ST6GALNAC5: variants seen among roughly 807,000 people sequenced by gnomAD.
ST6GALNAC5 encodes the protein alpha-N-acetylgalactosaminide alpha-2,6-sialyltransferase 5.
In ST6GALNAC5, 27 loss-of-function variants were observed where a neutral mutation model predicts 33.6. That is an observed-to-expected ratio of 0.80 (90% CI 0.59 to 1.11). ST6GALNAC5 has a LOEUF of 1.11. Among genes scored for constraint, ST6GALNAC5 ranks in the 50% least tolerant of loss-of-function variants. The pLI is 0.00. For missense variants in ST6GALNAC5, 428 were observed against 454.0 expected, an observed-to-expected ratio of 0.94 and a Z score of 0.52; for synonymous variants, 194 against 171.2, an observed-to-expected ratio of 1.13 and a Z score of -1.04.
At chr1:76,925,017 G>A (rs1647071208) in intron 2 of ST6GALNAC5, among the ~76,000 whole-genome samples, 1 of 152,108 alleles carries the variant, frequency 6.6e-6, no homozygotes, top group Non-Finnish European at 1.5e-5. Context: ...ATCTGCTCCT[G>A]GTGAGGGCCC....
intron 2 of ST6GALNAC5, among the ~76,000 whole-genome samples, chr1:76,925,630 T>C (rs1647078673): frequency 6.6e-6 from 1 of 152,110 alleles, no homozygotes; most frequent in African/African-American, 2.4e-5. Flanking sequence ...TAAGAAGATA[T>C]GTGTGTCCTA....
At chr1:76,912,567 T>C (rs1439475684) in intron 2 of ST6GALNAC5, among the ~76,000 whole-genome samples, 1 of 151,722 alleles carries the variant, frequency 6.6e-6, no homozygotes, top group African/African-American at 2.4e-5. Context: ...CTAAGTCTCT[T>C]TGTAGGTCAC....
intron 2 of ST6GALNAC5, among the ~76,000 whole-genome samples, chr1:76,947,087 G>C (rs948054264): frequency 2.0e-5 from 3 of 151,996 alleles, no homozygotes; most frequent in Non-Finnish European, 4.4e-5. Flanking sequence ...AATTAGCTTT[G>C]AGAACAAAAA....
rs927481972 is a variant in ST6GALNAC5, at chr1:76,868,772, ACT to A, written c.261+32_261+33del. The stretch of plus-strand genomic sequence containing the variant: ...CAGCATGCCCGCCAGCCCGCTCGCC[ACT>A]CAGCCTGGGGATCCCGCACACCTGA... On this transcript the variant is annotated intron_variant, in intron 2 of 4. Transcript: ENST00000477717. The surrounding 1 kb of genome is among the most constrained non-coding windows in gnomAD (Gnocchi z 4.3). 2.7e-6 allele frequency: 4 copies of A among 1,465,724 alleles called. No homozygotes were observed. In the African/African-American group the frequency reaches 5.7e-5, roughly 21 times the overall value. 90.8% of individuals were successfully genotyped at this position (1,465,724 alleles called of 1,614,324 possible). A position where few individuals can be genotyped will look rare whatever the true frequency, so the allele number is the denominator to read the frequency against.
At position 77,011,516 on chromosome 1, in the gene ST6GALNAC5, A is replaced by C. The variant is rs539808051; in HGVS notation, c.262-32688A>C. Among the ~76,000 whole-genome samples the C allele has an allele frequency of 2.0e-5, 3 of 152,234 alleles. No homozygotes were observed. In the South Asian group the frequency reaches 6.2e-4, roughly 31 times the overall value. ...GAGCATGACAAGGTTTGGGAATTAC[A>C]GTCCTTGAGCACAATCTCCCATTGG... On this transcript the variant is annotated intron_variant, in intron 2 of 4. Coordinates refer to ENST00000477717, the MANE Select transcript of ST6GALNAC5 (RefSeq NM_030965.3).
At chr1:77,045,657 T>A (rs1211273659) in intron 3 of ST6GALNAC5, among the ~76,000 whole-genome samples, 1 of 151,986 alleles carries the variant, frequency 6.6e-6, no homozygotes, top group Non-Finnish European at 1.5e-5. Flanking sequence ...TTGGATAAAG[T>A]AAAGGACCTG....
intron 2 of ST6GALNAC5, among the ~76,000 whole-genome samples, chr1:77,037,395 C>A (rs1458027382): frequency 1.3e-5 from 2 of 152,056 alleles, no homozygotes; most frequent in Non-Finnish European, 2.9e-5. Context: ...CTGGAGACTA[C>A]TAGAGTGGGG....
At chr1:76,993,434 T>G (rs775510812) in intron 2 of ST6GALNAC5, among the ~76,000 whole-genome samples, 1 of 152,204 alleles carries the variant, frequency 6.6e-6, no homozygotes, top group African/African-American at 2.4e-5. Context: ...TGGTACCCAT[T>G]AAACAGTTTC....
At chr1:76,922,946 A>AG (rs1415985957) in intron 2 of ST6GALNAC5, among the ~76,000 whole-genome samples, 3 of 138,556 alleles carry the variant, frequency 2.2e-5, no homozygotes, top group African/African-American at 9.2e-5. Flanking sequence ...AAAAAAAAAA[A>AG]AAAGAAAAAA....
intron 4 of ST6GALNAC5, chr1:77,060,315 G>T (rs1652534296): frequency 6.6e-6 from 1 of 152,178 alleles, no homozygotes; most frequent in African/African-American, 2.4e-5. Context: ...GCTTCCTCAT[G>T]TGGAAATTCC....
Position 76,868,582 on chromosome 1 carries a change from A to G in ST6GALNAC5, c.101A>G (p.Glu34Gly), listed in dbSNP as rs773869543. 3 of 1,612,240 alleles carry G rather than the reference A, an allele frequency of 1.9e-6. No homozygotes were observed. Among genetic ancestry groups the G allele is most frequent in the Admixed American group, 1.7e-5 (1 of 59,974 alleles). Residue 34 changes from glutamate (E) to glycine (G), a missense_variant, in exon 2 of 5, where the codon GAG (glutamate) becomes GGG (glycine). Physicochemically the swap from Glu to Gly is moderately conservative, Grantham distance 98. Coordinates refer to ENST00000477717, the MANE Select transcript of ST6GALNAC5 (RefSeq NM_030965.3). This position sits in a 1 kb window ranked among gnomAD's most constrained non-coding sequence, Gnocchi z 4.3. ...LVYSSLGGQK[E>G]RPPQQQQQQQ... ...TACAGCAGCCTCGGCGGCCAGAAGGAGCGGCCCCCGCAGCAGCAGCAGCAG... is the reference window on the plus strand; with the variant it reads ...TACAGCAGCCTCGGCGGCCAGAAGGGGCGGCCCCCGCAGCAGCAGCAGCAG...
At chr1:76,968,842 T>G (rs1557741117) in intron 2 of ST6GALNAC5, among the ~76,000 whole-genome samples, 1 of 152,202 alleles carries the variant, frequency 6.6e-6, no homozygotes, top group Non-Finnish European at 1.5e-5. Flanking sequence ...CTTATGAAGC[T>G]TAGTTTGGCT....
chr1:77,013,375 G>T (rs1280010438), intron 2 of ST6GALNAC5, among the ~76,000 whole-genome samples: 2 of 152,192 alleles, frequency 1.3e-5, no homozygotes, highest in Non-Finnish European at 2.9e-5. Context: ...CAAGGAAAGG[G>T]GCTGATACTT....
chr1:77,033,726 G>T (rs1391552666), intron 2 of ST6GALNAC5, among the ~76,000 whole-genome samples: 3 of 152,166 alleles, frequency 2.0e-5, no homozygotes, highest in Non-Finnish European at 4.4e-5. Flanking sequence ...GAAAGCAAAG[G>T]CTGGAGACCA....
chr1:77,062,271 A>G (rs1036073016), intron 4 of ST6GALNAC5, among the ~76,000 whole-genome samples: 16 of 152,234 alleles, frequency 1.1e-4, no homozygotes, highest in African/African-American at 3.9e-4. Flanking sequence ...ACAGCAATTG[A>G]TGCTATAAAG....
intron 2 of ST6GALNAC5, among the ~76,000 whole-genome samples, chr1:76,981,352 G>C (rs994314407): frequency 6.6e-6 from 1 of 152,188 alleles, no homozygotes; most frequent in African/African-American, 2.4e-5. Context: ...TGCCTGGCTC[G>C]ATGGGTCCCA....
At chr1:76,967,277 C>G (rs1214118179) in intron 2 of ST6GALNAC5, among the ~76,000 whole-genome samples, 3 of 152,120 alleles carry the variant, frequency 2.0e-5, no homozygotes, top group Non-Finnish European at 4.4e-5. Context: ...ATTTCAGAGC[C>G]TGTTATTGGT....
Position 76,868,591 on chromosome 1 carries a change from C to CGCAGCAGCAGCAGCAGCAGCAGCAACA in ST6GALNAC5, c.121_147dup (p.Gln41_Gln49dup). 2 of 1,609,736 alleles carry CGCAGCAGCAGCAGCAGCAGCAGCAACA rather than the reference C, an allele frequency of 1.2e-6. No individual in the cohort carries two copies. The highest frequency in any genetic ancestry group is 2.2e-5 in the South Asian group (2 of 90,902). On this transcript the variant is annotated inframe_insertion, in exon 2 of 5. Coordinates refer to ENST00000477717, the MANE Select transcript of ST6GALNAC5 (RefSeq NM_030965.3). The surrounding 1 kb of genome is among the most constrained non-coding windows in gnomAD (Gnocchi z 4.3). The stretch of plus-strand genomic sequence containing the variant: ...CTCGGCGGCCAGAAGGAGCGGCCCC[C>CGCAGCAGCAGCAGCAGCAGCAGCAACA]GCAGCAGCAGCAGCAGCAGCAGCAA...
chr1:76,925,203 AC>A (rs1472530099), intron 2 of ST6GALNAC5, among the ~76,000 whole-genome samples: 3 of 152,100 alleles, frequency 2.0e-5, no homozygotes, highest in African/African-American at 7.2e-5. Flanking sequence ...GTGTTAAGCC[AC>A]TCATGAGGGA....
Sources: gnomAD v4.1 joint callset for allele counts (sites outside exome capture counted in the v4.1 genomes callset) on GRCh38, gnomAD v4.1.1 for gene constraint, Gnocchi (gnomAD v3.1) non-coding constraint, MANE v1.5 for transcripts, NCBI Gene and HGNC (gene_info 2026-07-23, HGNC 2026-07-21) for gene names.